The following TAFA5 variants were observed in gnomAD, a reference collection of about 807,000 sequenced individuals.
The protein encoded by TAFA5 is TAFA chemokine like family member 5, also known as chemokine-like protein TAFA-5.
TAFA5 carries 6 observed loss-of-function variants against 15.3 expected under a neutral mutation model. The ratio of observed to expected loss-of-function variants is 0.39; its 90% confidence interval spans 0.21 to 0.77. TAFA5 has a LOEUF of 0.77. Among genes scored for constraint, TAFA5 ranks in the 30% least tolerant of loss-of-function variants. The pLI, the probability that TAFA5 is intolerant of heterozygous loss-of-function variation, is 0.41. For synonymous variants in TAFA5, 103 were observed against 80.7 expected (o/e 1.28, Z -1.48); for missense variants, 161 against 193.1 (o/e 0.83, Z 0.98).
At chr22:48,584,070 C>T (rs1313734437) in intron 1 of TAFA5, among the ~76,000 whole-genome samples, 2 of 149,766 alleles carry the variant, frequency 1.3e-5, no homozygotes, top group African/African-American at 4.9e-5. Context: ...ACATACCAGA[C>T]ACCACACACC....
chr22:48,637,155 G>A (rs1466105767), intron 1 of TAFA5, among the ~76,000 whole-genome samples: 1 of 152,220 alleles, frequency 6.6e-6, no homozygotes, highest in African/African-American at 2.4e-5. Context: ...CACCTGTATG[G>A]TGGGCAGGGC....
intron 3 of TAFA5, among the ~76,000 whole-genome samples, chr22:48,720,030 C>G (rs997066091): frequency 1.3e-5 from 2 of 152,168 alleles, no homozygotes; most frequent in Non-Finnish European, 2.9e-5. Flanking sequence ...GCATTAGGCT[C>G]GATCTTCCTT....
chr22:48,719,991 C>G (rs1457241550), intron 3 of TAFA5, among the ~76,000 whole-genome samples: 1 of 152,172 alleles, frequency 6.6e-6, no homozygotes, highest in Non-Finnish European at 1.5e-5. Flanking sequence ...AGACGTGACA[C>G]GCTGGGCGCC....
At chr22:48,728,663 T>C (rs1929776071) in intron 3 of TAFA5, among the ~76,000 whole-genome samples, 1 of 152,226 alleles carries the variant, frequency 6.6e-6, no homozygotes, top group South Asian at 2.1e-4. Context: ...CATCAGTGTA[T>C]GTATGTCTTT....
At chr22:48,734,774 G>A (rs953628725) in intron 3 of TAFA5, among the ~76,000 whole-genome samples, 4 of 152,228 alleles carry the variant, frequency 2.6e-5, no homozygotes, top group Non-Finnish European at 4.4e-5. Flanking sequence ...TACGGATGTC[G>A]TGAGCATCTC....
At chr22:48,513,051 C>T (rs537407167) in intron 1 of TAFA5, among the ~76,000 whole-genome samples, 51 of 152,114 alleles carry the variant, frequency 3.4e-4, no homozygotes, top group Non-Finnish European at 6.2e-4. Flanking sequence ...GTGCTGTACA[C>T]GTGTGATCAC....
chr22:48,515,838 G>A (rs1488736908), intron 1 of TAFA5, among the ~76,000 whole-genome samples: 4 of 152,088 alleles, frequency 2.6e-5, no homozygotes, highest in Non-Finnish European at 4.4e-5. Flanking sequence ...CAGGGGATGG[G>A]GGTCTCTGTG....
intron 2 of TAFA5, among the ~76,000 whole-genome samples, chr22:48,696,824 C>T (rs1286147827): frequency 6.6e-6 from 1 of 152,258 alleles, no homozygotes; most frequent in East Asian, 1.9e-4. Flanking sequence ...TGTGCAAGGC[C>T]TGGCCTGCAT....
At chr22:48,506,866 C>T (rs898523478) in intron 1 of TAFA5, among the ~76,000 whole-genome samples, 2 of 152,224 alleles carry the variant, frequency 1.3e-5, no homozygotes, top group African/African-American at 4.8e-5. Context: ...GGCACACAGG[C>T]AGGGCTGGGA....
intron 1 of TAFA5, among the ~76,000 whole-genome samples, chr22:48,642,160 G>A (rs922917815): frequency 6.6e-5 from 10 of 152,154 alleles, no homozygotes; most frequent in East Asian, 1.9e-4. Context: ...GCTTTGCTGC[G>A]TGGGGCAGCC....
chr22:48,731,601 C>T (rs1021028335), intron 3 of TAFA5, among the ~76,000 whole-genome samples: 1 of 152,234 alleles, frequency 6.6e-6, no homozygotes, highest in African/African-American at 2.4e-5. Flanking sequence ...AACAAACCTA[C>T]TCCGCCTGTG....
chr22:48,500,393 C>T (rs1407848178), intron 1 of TAFA5, among the ~76,000 whole-genome samples: 1 of 152,184 alleles, frequency 6.6e-6, no homozygotes, highest in African/African-American at 2.4e-5. Context: ...AAACATTGCT[C>T]GACAAACACC....
chr22:48,585,675 C>T (rs1317058530), intron 1 of TAFA5, among the ~76,000 whole-genome samples: 2 of 150,024 alleles, frequency 1.3e-5, no homozygotes, highest in Non-Finnish European at 3.0e-5. Context: ...ACCACACACA[C>T]CACAAACATA....
chr22:48,541,979 G>A (rs1404888602), intron 1 of TAFA5, among the ~76,000 whole-genome samples: 1 of 152,216 alleles, frequency 6.6e-6, no homozygotes, highest in Admixed American at 6.5e-5. Context: ...TGGGAGGCCA[G>A]TGTGCAGGGC....
chr22:48,595,386 G>T (rs1924728136), intron 1 of TAFA5, among the ~76,000 whole-genome samples: 1 of 152,220 alleles, frequency 6.6e-6, no homozygotes, highest in Admixed American at 6.5e-5. Context: ...CAGGTGTTAG[G>T]GGGAGTGGAG....
chr22:48,524,949 G>T (rs1921729262), intron 1 of TAFA5, among the ~76,000 whole-genome samples: 1 of 152,114 alleles, frequency 6.6e-6, no homozygotes, highest in Non-Finnish European at 1.5e-5. Flanking sequence ...AGGTGTATGT[G>T]CCTGGCCCTT....
chr22:48,533,857 C>T (rs1396928683), intron 1 of TAFA5, among the ~76,000 whole-genome samples: 2 of 152,134 alleles, frequency 1.3e-5, no homozygotes, highest in Admixed American at 1.3e-4. Context: ...AAGCAGCAGC[C>T]GTGTGGCTGG....
chr22:48,534,037 C>A (rs554146085), intron 1 of TAFA5, among the ~76,000 whole-genome samples: 1 of 152,280 alleles, frequency 6.6e-6, no homozygotes, highest in South Asian at 2.1e-4. Context: ...AGGAACTCTC[C>A]TTTCAGGAGA....
intron 1 of TAFA5, among the ~76,000 whole-genome samples, chr22:48,626,413 C>G (rs766242102): frequency 7.2e-5 from 11 of 152,182 alleles, no homozygotes; most frequent in Non-Finnish European, 1.3e-4. Flanking sequence ...CCGTTACCTC[C>G]TTATTTCAAT....
Sources: allele counts gnomAD v4.1 joint callset (sites outside exome capture counted in the v4.1 genomes callset), GRCh38; gene constraint gnomAD v4.1.1; transcripts MANE v1.5; gene names NCBI Gene and HGNC (gene_info 2026-07-23, HGNC 2026-07-21).